FREM1: variants seen among roughly 807,000 people sequenced by gnomAD.
FREM1 encodes FRAS1 related extracellular matrix 1.
FREM1 carries 220 observed loss-of-function variants against 210.1 expected under a neutral mutation model. That is an observed-to-expected ratio of 1.05 (90% CI 0.94 to 1.17). The LOEUF (loss-of-function observed/expected upper bound fraction) is 1.17. Ranked by LOEUF, FREM1 falls within the 50% of genes most tolerant of loss-of-function variation. FREM1 has a pLI of 0.00. For missense variants in FREM1, 3,454 were observed against 2,675.5 expected, an observed-to-expected ratio of 1.29 and a Z score of -6.42; for synonymous variants, 1,189 against 980.2, an observed-to-expected ratio of 1.21 and a Z score of -3.98.
At chr9:14,749,982 G>T in intron 30 of FREM1, 145 bp downstream of exon 30, 1 of 777,608 alleles carries the variant, frequency 1.3e-6, no homozygotes, top group South Asian at 1.7e-5. Flanking sequence ...CCAGAATAAA[G>T]GGCCTACATC....
At position 14,814,319 on chromosome 9, in the gene FREM1, G is replaced by A. The variant is rs141809105; in HGVS notation, c.2641-1255C>T. ...CATCCCTGGCCTGTGACCTCTAGAA[G>A]AACAGTGACTTTGTTTGTCTTGTTC... On this transcript the variant is annotated intron_variant, in intron 15 of 36. Transcript: ENST00000380880. Among the ~76,000 whole-genome samples the A allele has an allele frequency of 4.5e-4, 69 of 152,248 alleles. 1 individual carries two copies. Among genetic ancestry groups the A allele is most frequent in the African/African-American group, 1.6e-3 (68 of 41,554 alleles).
chr9:14,784,656 G>A (rs754849934), intron 23 of FREM1, 22 bp from the exon 24 acceptor site: 1 of 1,491,826 alleles, frequency 6.7e-7, no homozygotes, highest in Admixed American at 2.1e-5. Context: ...AAGAGGTTAT[G>A]GTCAATAATC....
At chr9:14,899,439 AC>A (rs1263410956) in intron 1 of FREM1, among the ~76,000 whole-genome samples, 7 of 152,204 alleles carry the variant, frequency 4.6e-5, no homozygotes, top group African/African-American at 1.7e-4. Flanking sequence ...GTGGGATTAA[AC>A]GTGCTTCAAG....
chr9:14,826,262 T>C (rs1822438853), intron 10 of FREM1, among the ~76,000 whole-genome samples: 1 of 152,138 alleles, frequency 6.6e-6, no homozygotes, highest in South Asian at 2.1e-4. Context: ...CAGCTAATTT[T>C]TGTATTTTTA....
At chr9:14,739,543 T>A (rs1476095039) in intron 36 of FREM1, among the ~76,000 whole-genome samples, 1 of 147,200 alleles carries the variant, frequency 6.8e-6, no homozygotes, top group South Asian at 2.1e-4. Flanking sequence ...ATATTATATA[T>A]ATTTATATAT....
At position 14,842,681 on chromosome 9, in the gene FREM1, G is replaced by A. The variant is rs140351078; in HGVS notation, c.1394-21C>T. 415 of 1,574,256 alleles carry A rather than the reference G, an allele frequency of 2.6e-4. 4 individuals are homozygous for A. In the East Asian group the frequency reaches 8.6e-3, roughly 33 times the overall value. ...CCCCCCTGAGGGAGAGAGCAGAGAT[G>A]GAGCAGATTGAGCAAGGGAGTGCAG... On this transcript the variant is annotated intron_variant, in intron 8 of 36. Coordinates refer to ENST00000380880, the MANE Select transcript of FREM1 (RefSeq NM_001379081.2).
chr9:14,747,877 T>C (rs1326594884), intron 31 of FREM1, 149 bp from the exon 32 acceptor site: 2 of 522,408 alleles, frequency 3.8e-6, no homozygotes, highest in Non-Finnish European at 6.7e-6. Flanking sequence ...ATCATTGGAA[T>C]TTCAAAAATC....
In FREM1 at chr9:14,863,343, A is replaced by G. The variant is rs966872609; in HGVS notation, c.329+466T>C. Among the ~76,000 whole-genome samples, 347 of 149,534 alleles carry G rather than the reference A, an allele frequency of 2.3e-3. 1 individual carries two copies. The highest frequency in any genetic ancestry group is 0.017 in the Middle Eastern group (5 of 292). On this transcript the variant is annotated intron_variant, in intron 3 of 36. Transcript: ENST00000380880. ...GTGACAGAGCAAGACTCCGTCTCAA[A>G]AAAAAAAAAAAAAAGGAATTTTAAA...
intron 5 of FREM1, among the ~76,000 whole-genome samples, chr9:14,854,783 G>C (rs756186612): frequency 1.3e-5 from 2 of 151,950 alleles, no homozygotes; most frequent in African/African-American, 2.4e-5. Context: ...CCATTGAGAA[G>C]ATATAATGGG....
At chr9:14,801,182 G>C (rs1460369900) in intron 20 of FREM1, among the ~76,000 whole-genome samples, 1 of 152,096 alleles carries the variant, frequency 6.6e-6, no homozygotes, top group Non-Finnish European at 1.5e-5. Context: ...ATTTTTAGTA[G>C]AGACAGGGTT....
chr9:14,792,266 A>C lies in FREM1; in HGVS notation c.3981+477T>G, dbSNP rs566884028. Among the ~76,000 whole-genome samples the C allele has an allele frequency of 1.7e-3, 167 of 101,016 alleles. 1 individual carries two copies. The highest frequency in any genetic ancestry group is 5.6e-3 in the African/African-American group (159 of 28,178). 66.3% of individuals were successfully genotyped at this position (101,016 alleles called of 152,430 possible). ...TTAGCTGAAATACACACACCCACAC[A>C]CACACGCACACACACACACACACAC... On this transcript the variant is annotated intron_variant, in intron 22 of 36. Transcript: ENST00000380880.
intron 19 of FREM1, among the ~76,000 whole-genome samples, chr9:14,804,014 C>A (rs1374197161): frequency 6.6e-6 from 1 of 151,942 alleles, no homozygotes; most frequent in Non-Finnish European, 1.5e-5. Flanking sequence ...GAGATTAGGA[C>A]AACAAAAATT....
intron 1 of FREM1, among the ~76,000 whole-genome samples, chr9:14,890,178 T>G (rs1325430325): frequency 2.0e-5 from 3 of 152,246 alleles, no homozygotes; most frequent in African/African-American, 7.2e-5. Flanking sequence ...AAATATTCAA[T>G]GTGCCAAGGC....
intron 1 of FREM1, among the ~76,000 whole-genome samples, chr9:14,902,022 T>G (rs1233187336): frequency 1.3e-5 from 2 of 152,040 alleles, no homozygotes; most frequent in East Asian, 3.9e-4. Flanking sequence ...GTTTTTTTTT[T>G]TTTTTAAGAG....
Position 14,862,613 on chromosome 9 carries a change from G to A in FREM1, c.329+1196C>T, listed in dbSNP as rs114004608. On this transcript the variant is annotated intron_variant, in intron 3 of 36. Coordinates refer to ENST00000380880, the MANE Select transcript of FREM1 (RefSeq NM_001379081.2). ...CCATCATGACTACCTAATTCCAGAA[G>A]ACTTTCATCAACCCCAAAAGAGACA... Among the ~76,000 whole-genome samples, 1,023 of 152,198 alleles carry A rather than the reference G, an allele frequency of 6.7e-3. 11 individuals are homozygous for A. Among genetic ancestry groups the A allele is most frequent in the African/African-American group, 0.022 (923 of 41,514 alleles).
intron 7 of FREM1, among the ~76,000 whole-genome samples, chr9:14,847,028 T>C (rs1826765788): frequency 6.6e-6 from 1 of 152,178 alleles, no homozygotes; most frequent in Non-Finnish European, 1.5e-5. Flanking sequence ...GTGTGTGCAA[T>C]GGCTGCTAAG....
In FREM1 at chr9:14,801,775, G is replaced by A; in HGVS notation, c.3571C>T (p.Pro1191Ser). The part of the protein sequence containing the change: ...DALLFSITQK[P>S]RHGLLIDRGF... Reference sequence around the variant, plus strand: ...CTATCGATGAGGAGGCCATGGCGTGGCTTTTGAGTGATGCTGAACAGCAGG... The same window carrying A: ...CTATCGATGAGGAGGCCATGGCGTGACTTTTGAGTGATGCTGAACAGCAGG... The change falls in exon 20 of 37, where the codon CCA (proline) becomes TCA (serine). Residue 1191 changes from proline to serine, a missense_variant. By Grantham distance (74) the Pro-to-Ser change is moderately conservative. Coordinates refer to ENST00000380880, the MANE Select transcript of FREM1 (RefSeq NM_001379081.2). 6.2e-7 allele frequency: 1 copy of A among 1,613,924 alleles called. No individual in the cohort carries two copies. The highest frequency in any genetic ancestry group is 8.5e-7 in the Non-Finnish European group (1 of 1,179,828).
At chr9:14,880,252 G>C (rs990212699) in intron 1 of FREM1, among the ~76,000 whole-genome samples, 1 of 152,078 alleles carries the variant, frequency 6.6e-6, no homozygotes, top group Admixed American at 6.6e-5. Context: ...AGCAGCCTGA[G>C]CAGACTCAAA....
At chr9:14,868,680 C>CA (rs912444101) in intron 2 of FREM1, 64 bp downstream of exon 2, 34 of 1,016,278 alleles carry the variant, frequency 3.3e-5, no homozygotes, top group Admixed American at 1.8e-4. Context: ...TCTGTCCCCC[C>CA]ACACATTTTC....
Sources: allele counts gnomAD v4.1 joint callset (sites outside exome capture counted in the v4.1 genomes callset), GRCh38; gene constraint gnomAD v4.1.1; transcripts MANE v1.5; gene names NCBI Gene and HGNC (gene_info 2026-07-23, HGNC 2026-07-21).